ULK2: variants seen among roughly 807,000 people sequenced by gnomAD.
The protein encoded by ULK2 is serine/threonine-protein kinase ULK2.
Under a neutral mutation model 127.5 loss-of-function variants are expected in ULK2, and 76 were observed. The observed-to-expected ratio is 0.60, with a 90% CI of 0.50 to 0.72. The LOEUF is 0.72. Ranked by LOEUF, ULK2 falls within the 30% of genes least tolerant of loss-of-function variation. The pLI, the probability that ULK2 is intolerant of heterozygous loss-of-function variation, is 0.00. For missense variants in ULK2, 1,144 were observed against 1,295.9 expected, an observed-to-expected ratio of 0.88 and a Z score of 1.80; for synonymous variants, 452 against 461.9, an observed-to-expected ratio of 0.98 and a Z score of 0.28.
At chr17:19,804,504 A>G (rs924238978) in intron 15 of ULK2, among the ~76,000 whole-genome samples, 189 bp downstream of exon 15, 5 of 152,032 alleles carry the variant, frequency 3.3e-5, no homozygotes, top group Non-Finnish European at 5.9e-5. Context: ...ATCATACTAT[A>G]TTATCAAGCT....
At chr17:19,865,924 A>G in intron 1 of ULK2, 96 bp from the exon 2 acceptor site, 1 of 667,536 alleles carries the variant, frequency 1.5e-6, no homozygotes, top group South Asian at 1.9e-5. Context: ...AAATAAATGT[A>G]CGGCATTGGG....
At chr17:19,839,195 T>C (rs1269246505) in intron 9 of ULK2, among the ~76,000 whole-genome samples, 1 of 152,146 alleles carries the variant, frequency 6.6e-6, no homozygotes, top group African/African-American at 2.4e-5. Context: ...CTTGCACTAA[T>C]AGTTGTTATA....
chr17:19,835,444 C>T (rs1365608172), intron 10 of ULK2, among the ~76,000 whole-genome samples: 2 of 147,458 alleles, frequency 1.4e-5, no homozygotes, highest in African/African-American at 2.5e-5. Flanking sequence ...AGGCCGGGCG[C>T]GGTGGCTCAC....
At chr17:19,817,846 G>A (rs1042714858) in intron 12 of ULK2, among the ~76,000 whole-genome samples, 7 of 152,036 alleles carry the variant, frequency 4.6e-5, no homozygotes, top group South Asian at 2.1e-4. Context: ...CCATGGTATC[G>A]GTCACTGATA....
rs377671276 is a variant in ULK2, at chr17:19,797,522, G to A, written c.1683C>T (p.Tyr561=). The part of the protein sequence containing the change: ...CPSHTGAGYS[Y]SPQPSRPGSL... ...TGCCAGGCCGACTGGGCTGAGGCGA[G>A]TAGCTGTACCCAGCCCCAGTATGGG... The change falls in exon 18 of 27, where the codon TAC becomes TAT. Residue 561 remains tyrosine, a synonymous_variant. Transcript: ENST00000395544. The A allele has an allele frequency of 6.2e-7, 1 of 1,614,026 alleles. No homozygotes were observed. Among genetic ancestry groups the A allele is most frequent in the Non-Finnish European group, 8.5e-7 (1 of 1,180,032 alleles).
intron 3 of ULK2, among the ~76,000 whole-genome samples, chr17:19,852,771 C>T (rs972154997): frequency 6.6e-5 from 10 of 151,090 alleles, no homozygotes; most frequent in East Asian, 2.1e-4. Flanking sequence ...GCTGGGACTA[C>T]AGGCACCCGC....
intron 3 of ULK2, among the ~76,000 whole-genome samples, chr17:19,854,479 TG>T (rs1467795306): frequency 6.6e-6 from 1 of 152,172 alleles, no homozygotes; most frequent in Non-Finnish European, 1.5e-5. Flanking sequence ...CCTGATTTGC[TG>T]TAATTCTTCA....
At chr17:19,822,968 G>A (rs989483794) in intron 12 of ULK2, among the ~76,000 whole-genome samples, 3 of 151,102 alleles carry the variant, frequency 2.0e-5, no homozygotes, top group Non-Finnish European at 4.4e-5. Flanking sequence ...TTACAGGCGT[G>A]AGTCACCACA....
intron 13 of ULK2, among the ~76,000 whole-genome samples, chr17:19,813,045 G>A (rs561057202): frequency 3.9e-5 from 6 of 152,242 alleles, no homozygotes; most frequent in South Asian, 2.1e-4. Context: ...GTTATTAAAC[G>A]AAATTTTACA....
At chr17:19,804,212 G>A (rs769732297) in intron 15 of ULK2, among the ~76,000 whole-genome samples, 7 of 144,018 alleles carry the variant, frequency 4.9e-5, no homozygotes, top group Non-Finnish European at 7.5e-5. Context: ...GTGAGACCCC[G>A]TCTCTAAAAG....
At chr17:19,796,022 CT>C in intron 19 of ULK2, 72 bp downstream of exon 19, 1 of 1,537,402 alleles carries the variant, frequency 6.5e-7, no homozygotes, top group Non-Finnish European at 8.7e-7. Flanking sequence ...AGTCTTGCTG[CT>C]TTTATAACAG....
chr17:19,802,847 T>TG (rs2087429506), intron 15 of ULK2, among the ~76,000 whole-genome samples: 1 of 152,232 alleles, frequency 6.6e-6, no homozygotes, highest in Non-Finnish European at 1.5e-5. Flanking sequence ...TACCTGTGCA[T>TG]GATTTTTTTT....
chr17:19,862,457 A>G (rs3101811), intron 3 of ULK2, among the ~76,000 whole-genome samples: 8,265 of 151,900 alleles, frequency 0.054, 383 homozygotes, highest in East Asian at 0.24. Flanking sequence ...TGACCACATG[A>G]AAAATGACAA....
intron 3 of ULK2, among the ~76,000 whole-genome samples, chr17:19,860,777 G>T (rs1403412896): frequency 6.6e-6 from 1 of 152,072 alleles, no homozygotes; most frequent in Non-Finnish European, 1.5e-5. Context: ...GCCTGCCTCG[G>T]CCTCCCAAAG....
In ULK2 at chr17:19,783,299, A is replaced by C. The variant is rs199519088; in HGVS notation, c.2460+398T>G. Among the ~76,000 whole-genome samples, 16 of 152,082 alleles carry C rather than the reference A, an allele frequency of 1.1e-4. No homozygotes were observed. The East Asian group carries it at 2.7e-3, about 26-fold the overall frequency. On this transcript the variant is annotated intron_variant, in intron 22 of 26. Transcript: ENST00000395544. ...AACCCCGTCTCTACTAAAAATACAAAAATTAGCCGGGCATGGTGGCGTGTG... is the reference window on the plus strand; with the variant it reads ...AACCCCGTCTCTACTAAAAATACAACAATTAGCCGGGCATGGTGGCGTGTG...
intron 1 of ULK2, among the ~76,000 whole-genome samples, chr17:19,867,063 C>CTCCTGCGGGCGGACCGCGGGG (rs1376869394): frequency 1.3e-5 from 2 of 152,194 alleles, no homozygotes; most frequent in Non-Finnish European, 2.9e-5. Context: ...GGTGCAAACG[C>CTCCTGCGGGCGGACCGCGGGG]TCCTGCGGGC....
In ULK2 at chr17:19,826,990, C is replaced by G. The variant is rs181099912; in HGVS notation, c.788-804G>C. ...AAAAAAAGAAACTACAAAAACAATA[C>G]ATTCAATAATTTTAAAACCATTCTC... On this transcript the variant is annotated intron_variant, in intron 10 of 26. Coordinates refer to ENST00000395544, the MANE Select transcript of ULK2 (RefSeq NM_014683.4). 8.3e-4 allele frequency among the ~76,000 whole-genome samples: 126 copies of G among 151,606 alleles called. 4 individuals are homozygous for G. The East Asian group carries it at 0.021, about 26-fold the overall frequency.
At chr17:19,778,990 T>C (rs2086863156) in intron 25 of ULK2, among the ~76,000 whole-genome samples, 1 of 152,194 alleles carries the variant, frequency 6.6e-6, no homozygotes, top group Non-Finnish European at 1.5e-5. Flanking sequence ...TGGTGCAAAA[T>C]TCTAAAAATA....
At chr17:19,800,822 G>A (rs2087382107) in intron 16 of ULK2, among the ~76,000 whole-genome samples, 1 of 152,090 alleles carries the variant, frequency 6.6e-6, no homozygotes, top group African/African-American at 2.4e-5. Context: ...CACCACCTCA[G>A]TGCTGCCTCT....
Sources: allele counts gnomAD v4.1 joint callset (sites outside exome capture counted in the v4.1 genomes callset), GRCh38; gene constraint gnomAD v4.1.1; transcripts MANE v1.5; gene names NCBI Gene and HGNC (gene_info 2026-07-23, HGNC 2026-07-21).